CSMD1: variants seen among roughly 807,000 people sequenced by gnomAD.
The protein encoded by CSMD1 is CUB and sushi domain-containing protein 1.
CSMD1 carries 213 observed loss-of-function variants against 417.5 expected under a neutral mutation model. That is an observed-to-expected ratio of 0.51 (90% CI 0.46 to 0.57). The LOEUF (loss-of-function observed/expected upper bound fraction) is 0.57. Ranked by LOEUF, CSMD1 falls within the 20% of genes least tolerant of loss-of-function variation. CSMD1 has a pLI of 0.00. For missense variants in CSMD1, 6,923 were observed against 4,529.7 expected (o/e 1.53, Z -15.17); for synonymous variants, 2,862 against 1,736.8 (o/e 1.65, Z -16.11).
intron 2 of CSMD1, among the ~76,000 whole-genome samples, chr8:4,435,383 T>C (rs577427636): frequency 1.3e-5 from 2 of 152,340 alleles, no homozygotes; most frequent in African/African-American, 4.8e-5. Context: ...TCAGAGTTCC[T>C]GCAGTGTGAT....
At chr8:3,626,302 C>G (rs73493637) in intron 7 of CSMD1, among the ~76,000 whole-genome samples, 1 of 152,138 alleles carries the variant, frequency 6.6e-6, no homozygotes, top group Non-Finnish European at 1.5e-5. Flanking sequence ...ACTTAAGACT[C>G]AGAAATAGTT....
intron 3 of CSMD1, among the ~76,000 whole-genome samples, chr8:4,336,423 G>GC (rs1207421859): frequency 1.3e-5 from 2 of 152,210 alleles, no homozygotes; most frequent in Non-Finnish European, 2.9e-5. Flanking sequence ...TGACCCTAAG[G>GC]CCCCCGGTCA....
intron 5 of CSMD1, among the ~76,000 whole-genome samples, chr8:3,850,110 T>C (rs1462700907): frequency 6.6e-6 from 1 of 152,246 alleles, no homozygotes; most frequent in Non-Finnish European, 1.5e-5. Context: ...GTATATCTTT[T>C]TGATACATTT....
chr8:4,892,039 G>C (rs946801741), intron 1 of CSMD1, among the ~76,000 whole-genome samples: 2 of 152,060 alleles, frequency 1.3e-5, no homozygotes. Context: ...ACCAGATGTA[G>C]AAATAAACAT....
At chr8:3,815,622 CTTTCT>C (rs1427161017) in intron 5 of CSMD1, among the ~76,000 whole-genome samples, 107 of 68,552 alleles carry the variant, frequency 1.6e-3, no homozygotes, top group African/African-American at 6.6e-3. Context: ...CACTGCTAGA[CTTTCT>C]TTTTTTTTTT....
At chr8:3,765,035 A>G (rs1295145148) in intron 5 of CSMD1, among the ~76,000 whole-genome samples, 2 of 151,986 alleles carry the variant, frequency 1.3e-5, no homozygotes, top group East Asian at 3.9e-4. Flanking sequence ...ATGACCCACC[A>G]TTCCTGGCTG....
chr8:3,863,956 G>C (rs773403263), intron 5 of CSMD1, among the ~76,000 whole-genome samples: 11 of 152,178 alleles, frequency 7.2e-5, no homozygotes, highest in Non-Finnish European at 1.6e-4. Context: ...TTAGAGGTCT[G>C]ATTCTTTTTC....
At chr8:4,570,691 C>G (rs2725051) in intron 2 of CSMD1, among the ~76,000 whole-genome samples, 1 of 152,210 alleles carries the variant, frequency 6.6e-6, no homozygotes, top group Admixed American at 6.5e-5. Context: ...TCTTTTTCTA[C>G]TGTTTGGAAT....
intron 1 of CSMD1, among the ~76,000 whole-genome samples, chr8:4,896,379 T>C (rs889756143): frequency 1.3e-5 from 2 of 152,118 alleles, no homozygotes; most frequent in Admixed American, 6.5e-5. Context: ...TGCTTTTGCA[T>C]TTTCAAAATT....
At chr8:4,233,749 C>T (rs1434688362) in intron 3 of CSMD1, among the ~76,000 whole-genome samples, 1 of 152,118 alleles carries the variant, frequency 6.6e-6, no homozygotes, top group Non-Finnish European at 1.5e-5. Context: ...GATGTAAGAT[C>T]TCTGTTGAAA....
chr8:3,939,289 G>A (rs950298531), intron 5 of CSMD1, among the ~76,000 whole-genome samples: 1 of 152,122 alleles, frequency 6.6e-6, no homozygotes, highest in Middle Eastern at 3.4e-3. Flanking sequence ...TCAGAGAAAT[G>A]CAAATTAAAA....
chr8:3,988,561 C>A (rs1226312494), intron 5 of CSMD1, among the ~76,000 whole-genome samples: 1 of 152,194 alleles, frequency 6.6e-6, no homozygotes, highest in East Asian at 1.9e-4. Context: ...ACTGCTAGAT[C>A]ACGGTCTGCA....
chr8:4,867,791 C>G lies in CSMD1; in HGVS notation c.85+126541G>C, dbSNP rs371064937. Among the ~76,000 whole-genome samples, 111 of 152,132 alleles carry G rather than the reference C, an allele frequency of 7.3e-4. 1 individual carries two copies. The highest frequency in any genetic ancestry group is 2.6e-3 in the African/African-American group (108 of 41,454). On this transcript the variant is annotated intron_variant, in intron 1 of 69. Coordinates refer to ENST00000635120, the MANE Select transcript of CSMD1 (RefSeq NM_033225.6). Reference sequence around the variant, plus strand: ...TAAAGATAAGAGTGTTTTGATCCCTCTAATAAATACATTCATTTTACTACA... The same window carrying G: ...TAAAGATAAGAGTGTTTTGATCCCTGTAATAAATACATTCATTTTACTACA...
At chr8:4,057,126 G>T (rs1798737270) in intron 3 of CSMD1, among the ~76,000 whole-genome samples, 1 of 152,178 alleles carries the variant, frequency 6.6e-6, no homozygotes, top group East Asian at 1.9e-4. Context: ...CTTCCACAAG[G>T]GTTGAACTAG....
intron 3 of CSMD1, among the ~76,000 whole-genome samples, chr8:4,114,995 T>C (rs950943121): frequency 1.4e-4 from 22 of 152,320 alleles, no homozygotes; most frequent in Middle Eastern, 3.4e-3. Context: ...TAGATTATTA[T>C]AGAAACCTAG....
At chr8:3,765,299 C>T (rs375540949) in intron 5 of CSMD1, among the ~76,000 whole-genome samples, 45 of 152,288 alleles carry the variant, frequency 3.0e-4, no homozygotes, top group African/African-American at 1.1e-3. Flanking sequence ...TCACTTTTGC[C>T]TGTGTAAATC....
intron 5 of CSMD1, among the ~76,000 whole-genome samples, chr8:3,797,082 T>C (rs1300138542): frequency 3.3e-5 from 5 of 151,830 alleles, no homozygotes; most frequent in African/African-American, 9.7e-5. Context: ...AAGATGGACT[T>C]CTCCTTTAAT....
chr8:4,174,992 T>C (rs1797964591), intron 3 of CSMD1, among the ~76,000 whole-genome samples: 1 of 151,578 alleles, frequency 6.6e-6, no homozygotes, highest in Admixed American at 6.6e-5. Context: ...ACTTGCTGAA[T>C]TGGAATCTCT....
At chr8:3,512,639 T>C (rs1159325427) in intron 10 of CSMD1, among the ~76,000 whole-genome samples, 1 of 150,350 alleles carries the variant, frequency 6.7e-6, no homozygotes, top group Non-Finnish European at 1.5e-5. Context: ...TCTTGCTTTG[T>C]CGCCAGGCTG....
Sources: gnomAD v4.1 joint callset for allele counts (sites outside exome capture counted in the v4.1 genomes callset) on GRCh38, gnomAD v4.1.1 for gene constraint, MANE v1.5 for transcripts, NCBI Gene and HGNC (gene_info 2026-07-23, HGNC 2026-07-21) for gene names.